Variants in GSPT1 observed in about 807,000 individuals in gnomAD.
GSPT1 encodes the protein eukaryotic peptide chain release factor GTP-binding subunit ERF3A.
Under a neutral mutation model 72.5 loss-of-function variants are expected in GSPT1, and 20 were observed. That is an observed-to-expected ratio of 0.28 (90% confidence interval 0.19 to 0.40). The LOEUF is 0.40. Among genes scored for constraint, GSPT1 ranks in the 10% least tolerant of loss-of-function variants. The pLI, the probability that GSPT1 is intolerant of heterozygous loss-of-function variation, is 1.00. For synonymous variants in GSPT1, 334 were observed against 293.5 expected, an observed-to-expected ratio of 1.14 and a Z score of -1.41; for missense variants, 580 against 811.9, an observed-to-expected ratio of 0.71 and a Z score of 3.47.
chr16:11,894,965 T>G lies in GSPT1; in HGVS notation c.687A>C (p.Gly229=). The G allele has an allele frequency of 6.3e-7, 1 of 1,586,138 alleles. No homozygotes were observed. Among genetic ancestry groups the G allele is most frequent in the African/African-American group, 1.3e-5 (1 of 74,626 alleles). ...AGATACAGACTTACATTATTTGTCCTCCAATGGTTGACTTGCCAGCATCTA... is the reference window on the plus strand; with the variant it reads ...AGATACAGACTTACATTATTTGTCCGCCAATGGTTGACTTGCCAGCATCTA... ...GHVDAGKSTI[G]GQIMYLTGMV... Residue 229 remains glycine, a synonymous_variant, in exon 5 of 15, where the codon GGA becomes GGC. Coordinates refer to ENST00000434724, the MANE Select transcript of GSPT1 (RefSeq NM_002094.4).
upstream of GSPT1, among the ~76,000 whole-genome samples, chr16:11,916,275 GT>G (rs1274015701): frequency 2.0e-5 from 3 of 152,032 alleles, no homozygotes; most frequent in African/African-American, 7.3e-5. Flanking sequence ...CTGTCACCTG[GT>G]GGGGGGGCAG....
At chr16:11,907,705 T>C (rs2054506528) in intron 1 of GSPT1, among the ~76,000 whole-genome samples, 1 of 152,226 alleles carries the variant, frequency 6.6e-6, no homozygotes, top group African/African-American at 2.4e-5. Context: ...ATTAACTCTG[T>C]GAGTGACCTT....
At chr16:11,887,228 T>C (rs2054196248) in intron 7 of GSPT1, among the ~76,000 whole-genome samples, 1 of 152,140 alleles carries the variant, frequency 6.6e-6, no homozygotes, top group African/African-American at 2.4e-5. Context: ...TACCAGTACA[T>C]TGTGAAAAGC....
chr16:11,875,900 T>C lies in GSPT1; in HGVS notation c.1722A>G (p.Ser574=), dbSNP rs775055818. 3.3e-5 allele frequency: 53 copies of C among 1,613,476 alleles called. No individual in the cohort carries two copies. In the East Asian group the frequency reaches 6.9e-4, roughly 21 times the overall value. ...TALICLVDKK[S]GEKSKTRPRF... ...GGGGTCGGGTCTTACTTTTTTCTCCTGATTTTTTGTCTACCAAGCAGATTA... is the reference window on the plus strand; with the variant it reads ...GGGGTCGGGTCTTACTTTTTTCTCCCGATTTTTTGTCTACCAAGCAGATTA... Residue 574 remains serine, a synonymous_variant, in exon 14 of 15, where the codon TCA becomes TCG. Transcript: ENST00000434724.
intron 6 of GSPT1, chr16:11,890,701 A>C (rs2054247688): frequency 6.3e-6 from 1 of 159,112 alleles, no homozygotes; most frequent in Admixed American, 6.5e-5. Context: ...GTCATATCTT[A>C]AGTACAGGGA....
chr16:11,916,232 G>A (rs1336755521), upstream of GSPT1: 1 of 349,242 alleles, frequency 2.9e-6, no homozygotes. Context: ...AACGCGAGGA[G>A]GCGGAGGTCT....
intron 5 of GSPT1, among the ~76,000 whole-genome samples, chr16:11,892,525 A>AAAAAAC (rs1567443288): frequency 2.8e-5 from 4 of 141,954 alleles, no homozygotes; most frequent in Non-Finnish European, 4.5e-5. Context: ...AAAAAAAACA[A>AAAAAAC]AAAAAACAAA....
chr16:11,889,450 G>A (rs2054227398), intron 6 of GSPT1, among the ~76,000 whole-genome samples: 1 of 136,532 alleles, frequency 7.3e-6, no homozygotes, highest in Non-Finnish European at 1.5e-5. Context: ...CTATTCTCCT[G>A]CCTCAGCCTC....
In GSPT1 at chr16:11,887,696, T is replaced by C. The variant is rs759755690; in HGVS notation, c.831A>G (p.Thr277=). 1.6e-5 allele frequency: 26 copies of C among 1,613,264 alleles called. No individual in the cohort carries two copies. The African/African-American group carries it at 2.3e-4, about 14-fold the overall frequency. ...TNQEERDKGK[T]VEVGRAYFET... ...CAAAATAGGCACGACCCACTTCTACTGTTTTACCCTTGTCTCGTTCTTCCT... is the reference window on the plus strand; with the variant it reads ...CAAAATAGGCACGACCCACTTCTACCGTTTTACCCTTGTCTCGTTCTTCCT... Residue 277 remains threonine, a synonymous_variant, in exon 7 of 15, where the codon ACA becomes ACG. Transcript: ENST00000434724.
At chr16:11,873,891 A>G (rs1405978642) in intron 14 of GSPT1, among the ~76,000 whole-genome samples, 2 of 152,138 alleles carry the variant, frequency 1.3e-5, no homozygotes, top group Non-Finnish European at 2.9e-5. Context: ...ACTGGGCCAA[A>G]AAACCTCTTT....
Position 11,889,576 on chromosome 16 carries a change from C to T in GSPT1, c.776+1486G>A, listed in dbSNP as rs576754608. 1.1e-3 allele frequency among the ~76,000 whole-genome samples: 166 copies of T among 151,748 alleles called. 1 individual carries two copies. Among genetic ancestry groups the T allele is most frequent in the Non-Finnish European group, 4.1e-4 (28 of 67,930 alleles). On this transcript the variant is annotated intron_variant, in intron 6 of 14. Transcript: ENST00000434724. ...AGGCTGGAGTGCAGCAGCACCATCT[C>T]GGCTCACCGCAACCTCCGCCTCCCA...
At chr16:11,907,893 T>C (rs1215107255) in intron 1 of GSPT1, among the ~76,000 whole-genome samples, 5 of 152,246 alleles carry the variant, frequency 3.3e-5, no homozygotes, top group African/African-American at 9.6e-5. Flanking sequence ...AATTCCATTA[T>C]GTTTTTCAAA....
intron 9 of GSPT1, among the ~76,000 whole-genome samples, chr16:11,885,692 G>A (rs1014696012): frequency 2.0e-5 from 3 of 152,066 alleles, no homozygotes; most frequent in Admixed American, 6.6e-5. Flanking sequence ...CCAGGAGTTC[G>A]ACACCAGCCT....
intron 1 of GSPT1, among the ~76,000 whole-genome samples, chr16:11,914,161 G>A (rs563863108): frequency 5.3e-5 from 8 of 152,196 alleles, no homozygotes; most frequent in Non-Finnish European, 1.0e-4. Flanking sequence ...ATGAAAGGAC[G>A]TTCAGCCTTT....
chr16:11,873,930 G>A (rs779284899), intron 14 of GSPT1, among the ~76,000 whole-genome samples: 5 of 152,196 alleles, frequency 3.3e-5, no homozygotes, highest in East Asian at 1.9e-4. Flanking sequence ...GGGAATATCC[G>A]TATTTGTGGA....
Position 11,902,821 on chromosome 16 carries a change from A to G in GSPT1, c.353-4786T>C, listed in dbSNP as rs1396775583. ...AGGCTGGTCTCAAACTCCTGACCTC[A>G]TGTGATCTGCCTGCCTCAGCCTCCC... On this transcript the variant is annotated intron_variant, in intron 1 of 14. Coordinates refer to ENST00000434724, the MANE Select transcript of GSPT1 (RefSeq NM_002094.4). Among the ~76,000 whole-genome samples, 5 of 151,974 alleles carry G rather than the reference A, an allele frequency of 3.3e-5. No homozygotes were observed. The East Asian group carries it at 7.7e-4, about 24-fold the overall frequency.
At chr16:11,898,404 C>T (rs1461030804) in intron 1 of GSPT1, among the ~76,000 whole-genome samples, 2 of 150,842 alleles carry the variant, frequency 1.3e-5, no homozygotes, top group African/African-American at 4.9e-5. Context: ...CCGTGATTCT[C>T]TCTAGGTAAC....
At chr16:11,900,999 GAAAAACAAAAAACA>G (rs374928660) in intron 1 of GSPT1, among the ~76,000 whole-genome samples, 4 of 150,728 alleles carry the variant, frequency 2.7e-5, no homozygotes, top group Non-Finnish European at 4.4e-5. Flanking sequence ...ACCAAAAAAA[GAAAAACAAAAAACA>G]AAAAACAAAA....
In GSPT1 at chr16:11,887,026, T is replaced by TTG; in HGVS notation, c.958-96_958-95insCA. Reference sequence around the variant, plus strand: ...TCCTTTCAGTTATATCACGAGTTTTTTTTTTTTTTTTTGCAAGAAAATAGA... The same window carrying TTG: ...TCCTTTCAGTTATATCACGAGTTTTTTGTTTTTTTTTTTTGCAAGAAAATAGA... On this transcript the variant is annotated intron_variant, in intron 7 of 14. Transcript: ENST00000434724. The TTG allele has an allele frequency of 3.1e-6, 3 of 980,940 alleles. No homozygotes were observed. In the South Asian group the frequency reaches 5.3e-5, roughly 17 times the overall value. 60.8% of individuals were successfully genotyped at this position (980,940 alleles called of 1,614,324 possible).
Sources: gnomAD v4.1 joint callset for allele counts (sites outside exome capture counted in the v4.1 genomes callset) on GRCh38, gnomAD v4.1.1 for gene constraint, MANE v1.5 for transcripts, NCBI Gene and HGNC (gene_info 2026-07-23, HGNC 2026-07-21) for gene names.